Variants in ANKRD62 observed in about 807,000 individuals in gnomAD.
ANKRD62 encodes ankyrin repeat domain-containing protein 62.
ANKRD62 carries 61 observed loss-of-function variants against 98.8 expected under a neutral mutation model. The observed-to-expected ratio is 0.62, with a 90% CI of 0.50 to 0.76. The LOEUF is 0.76. Among genes scored for constraint, ANKRD62 ranks in the 30% least tolerant of loss-of-function variants. The probability of loss-of-function intolerance (pLI) is 0.00; values close to 1 mark genes in which losing one functional copy is unlikely to be tolerated. For synonymous variants in ANKRD62, 341 were observed against 367.9 expected (o/e 0.93, Z 0.84); for missense variants, 933 against 1,082.9 (o/e 0.86, Z 1.94).
At chr18:12,103,741 G>A (rs1415687692) in intron 7 of ANKRD62, among the ~76,000 whole-genome samples, 2 of 152,040 alleles carry the variant, frequency 1.3e-5, no homozygotes, top group Non-Finnish European at 2.9e-5. Flanking sequence ...CCTATCAAGA[G>A]AATCAGACCT....
the ANKRD62 span, among the ~76,000 whole-genome samples, chr18:12,150,569 A>T: frequency 8.5e-5 from 13 of 152,248 alleles, no homozygotes; most frequent in South Asian, 4.1e-4. Context: ...CAGGTCACCT[A>T]CAAAGGGAAC....
At chr18:12,103,350 T>C in intron 7 of ANKRD62, 122 bp downstream of exon 7, 1 of 510,632 alleles carries the variant, frequency 2.0e-6, no homozygotes, top group Non-Finnish European at 3.1e-6. Context: ...TTAATTTTAA[T>C]AACATTTTAA....
chr18:12,126,438 T>C lies in ANKRD62; in HGVS notation c.2562+55T>C. On this transcript the variant is annotated intron_variant, in intron 13 of 13. Coordinates refer to ENST00000587848, the MANE Select transcript of ANKRD62 (RefSeq NM_001277333.2). Reference sequence around the variant, plus strand: ...AAACTTCCTGAAGTAAAATTTAAAGTATATTTGGTTATGGCTAAACACTGA... The same window carrying C: ...AAACTTCCTGAAGTAAAATTTAAAGCATATTTGGTTATGGCTAAACACTGA... 2.3e-6 allele frequency: 3 copies of C among 1,317,624 alleles called. No homozygotes were observed. The East Asian group carries it at 7.5e-5, about 33-fold the overall frequency. 81.6% of individuals were successfully genotyped at this position (1,317,624 alleles called of 1,614,324 possible).
chr18:12,096,924 A>C (rs1909194204), intron 4 of ANKRD62, among the ~76,000 whole-genome samples: 2 of 152,122 alleles, frequency 1.3e-5, no homozygotes, highest in South Asian at 4.2e-4. Flanking sequence ...GAGGGAAAAA[A>C]GCTAGCTTCA....
At chr18:12,115,555 T>C (rs1426815969) in intron 10 of ANKRD62, 21 bp downstream of exon 10, 4 of 1,526,608 alleles carry the variant, frequency 2.6e-6, no homozygotes, top group Non-Finnish European at 2.6e-6. Context: ...TGCATAAATA[T>C]AAGGCTCTTT....
intron 6 of ANKRD62, chr18:12,102,509 A>G (rs1909325282): frequency 2.7e-6 from 1 of 374,124 alleles, no homozygotes; most frequent in Admixed American, 3.4e-5. Flanking sequence ...ACCAACCCCC[A>G]CTTTGTATTT....
rs563323413 is a variant in ANKRD62 at position 12,125,349 on chromosome 18, G to A, written c.1639-111G>A. The A allele has an allele frequency of 1.3e-5, 13 of 1,016,392 alleles. No homozygotes were observed. In the Admixed American group the frequency reaches 1.9e-4, roughly 15 times the overall value. The allele number at this position is 1,016,392 out of a possible 1,614,324, so 63.0% of individuals were successfully genotyped here. The stretch of plus-strand genomic sequence containing the variant: ...TTTTTTCCAGTTGGATATCCAGATG[G>A]CAACTCTTTCATTGTATAAACGTAC... On this transcript the variant is annotated intron_variant, in intron 12 of 13. Coordinates refer to ENST00000587848, the MANE Select transcript of ANKRD62 (RefSeq NM_001277333.2).
chr18:12,174,718 G>A, the ANKRD62 span, among the ~76,000 whole-genome samples: 2 of 152,222 alleles, frequency 1.3e-5, no homozygotes, highest in African/African-American at 4.8e-5. Context: ...TGTGGTATAA[G>A]GTGGTTTCAG....
Position 12,129,293 on chromosome 18 carries a change from TA to T in ANKRD62, c.*1357del, listed in dbSNP as rs1270961485. On this transcript the variant is annotated 3_prime_UTR_variant, in exon 14 of 14. Transcript: ENST00000587848. ...TGTTTTAATCCTAGAGCATAGGCAGTAAACTTTTCTGTAAAGGGCCAAGTAG... is the reference window on the plus strand; with the variant it reads ...TGTTTTAATCCTAGAGCATAGGCAGTAACTTTTCTGTAAAGGGCCAAGTAG... The T allele has an allele frequency of 6.6e-6, 1 of 152,192 alleles. No individual in the cohort carries two copies. The highest frequency in any genetic ancestry group is 1.5e-5 in the Non-Finnish European group (1 of 68,042). The allele number at this position is 152,192 out of a possible 1,614,324, so 9.4% of individuals were successfully genotyped here. A position where few individuals can be genotyped will look rare whatever the true frequency, so the allele number is the denominator to read the frequency against.
intron 10 of ANKRD62, among the ~76,000 whole-genome samples, chr18:12,116,432 T>A (rs1909666780): frequency 6.6e-6 from 1 of 152,228 alleles, no homozygotes. Context: ...ACAAACTTTG[T>A]TTCATGCACA....
the ANKRD62 span, among the ~76,000 whole-genome samples, chr18:12,137,827 T>C: frequency 1.3e-5 from 2 of 152,236 alleles, no homozygotes; most frequent in Admixed American, 6.5e-5. Flanking sequence ...TCTAGTTTAT[T>C]TGCAGTGAGG....
chr18:12,127,500 C>T (rs1909917470), intron 13 of ANKRD62, among the ~76,000 whole-genome samples: 2 of 152,172 alleles, frequency 1.3e-5, no homozygotes, highest in South Asian at 4.1e-4. Context: ...GGTTTTTAAG[C>T]ATTGCACATT....
the ANKRD62 span, among the ~76,000 whole-genome samples, chr18:12,153,424 T>C: frequency 3.3e-5 from 5 of 151,492 alleles, no homozygotes; most frequent in Non-Finnish European, 5.9e-5. Flanking sequence ...AAATCCCATC[T>C]CTACTAAAAA....
At chr18:12,171,563 C>T in the ANKRD62 span, among the ~76,000 whole-genome samples, 2 of 152,174 alleles carry the variant, frequency 1.3e-5, no homozygotes, top group African/African-American at 4.8e-5. Flanking sequence ...TCTCTGGCTG[C>T]TCTCAGCCTT....
At position 12,128,707 on chromosome 18, in the gene ANKRD62, GTTTGT is replaced by G. The variant is rs1260074885; in HGVS notation, c.*772_*776del. 6.6e-6 allele frequency: 1 copy of G among 152,138 alleles called. No homozygotes were observed. The highest frequency in any genetic ancestry group is 2.4e-5 in the African/African-American group (1 of 41,426). The allele number at this position is 152,138 out of a possible 1,614,324, so 9.4% of individuals were successfully genotyped here. On this transcript the variant is annotated 3_prime_UTR_variant, in exon 14 of 14. Coordinates refer to ENST00000587848, the MANE Select transcript of ANKRD62 (RefSeq NM_001277333.2). Reference sequence around the variant, plus strand: ...ATCTATCTATTTTAATTATTTTTCTGTTTGTTTTAAAATTTTCTTCTGGTTTCCCT... The same window carrying G: ...ATCTATCTATTTTAATTATTTTTCTGTTTAAAATTTTCTTCTGGTTTCCCT...
intron 1 of ANKRD62, 149 bp from the exon 2 acceptor site, chr18:12,095,022 G>A (rs1259066484): frequency 1.5e-6 from 1 of 685,634 alleles, no homozygotes; most frequent in Non-Finnish European, 2.5e-6. Context: ...CCTGGGATGT[G>A]GAAACCTTGC....
chr18:12,150,988 T>A, the ANKRD62 span, among the ~76,000 whole-genome samples: 93 of 152,268 alleles, frequency 6.1e-4, no homozygotes, highest in African/African-American at 2.2e-3. Context: ...AAAGGCACCG[T>A]GTGGCAAGGT....
chr18:12,096,886 T>G (rs967411592), intron 4 of ANKRD62, among the ~76,000 whole-genome samples: 1 of 152,184 alleles, frequency 6.6e-6, no homozygotes, highest in Non-Finnish European at 1.5e-5. Context: ...CTAGTGTATT[T>G]TGGTGTTATT....
chr18:12,136,328 C>T, the ANKRD62 span, among the ~76,000 whole-genome samples: 55 of 151,044 alleles, frequency 3.6e-4, no homozygotes, highest in Admixed American at 3.2e-3. Context: ...TGTTTTTGTC[C>T]GGTTTGTCAA....
Sources: gnomAD v4.1 joint callset for allele counts (sites outside exome capture counted in the v4.1 genomes callset) on GRCh38, gnomAD v4.1.1 for gene constraint, MANE v1.5 for transcripts, NCBI Gene and HGNC (gene_info 2026-07-23, HGNC 2026-07-21) for gene names.